Variants in RORA observed in about 807,000 individuals in gnomAD.
RORA encodes RAR related orphan receptor A.
RORA carries 7 observed loss-of-function variants against 69.5 expected under a neutral mutation model. The observed-to-expected ratio is 0.10, with a 90% confidence interval of 0.06 to 0.19. The LOEUF (loss-of-function observed/expected upper bound fraction) is 0.19, where lower values mean the gene tolerates loss of function less well. Among genes scored for constraint, RORA ranks in the 10% least tolerant of loss-of-function variants. The probability of loss-of-function intolerance (pLI) is 1.00; values close to 1 mark genes in which losing one functional copy is unlikely to be tolerated. For synonymous variants in RORA, 261 were observed against 240.8 expected (o/e 1.08, Z -0.78); for missense variants, 457 against 663.0 (o/e 0.69, Z 3.41).
chr15:61,196,613 C>A (rs1412152051), intron 1 of RORA, among the ~76,000 whole-genome samples: 1 of 152,222 alleles, frequency 6.6e-6, no homozygotes, highest in Non-Finnish European at 1.5e-5. Flanking sequence ...AGCACTACGA[C>A]TCAGTTAGCC....
chr15:60,825,155 T>A (rs2072939953), intron 1 of RORA, among the ~76,000 whole-genome samples: 1 of 152,192 alleles, frequency 6.6e-6, no homozygotes, highest in Non-Finnish European at 1.5e-5. Context: ...CCAGGGCACC[T>A]TCTAAATTCT....
chr15:60,557,731 C>A (rs2140411359), intron 2 of RORA, among the ~76,000 whole-genome samples: 1 of 152,324 alleles, frequency 6.6e-6, no homozygotes, highest in South Asian at 2.1e-4. Flanking sequence ...CTTCAGACAT[C>A]TCTGTGATCA....
chr15:60,798,169 T>C (rs990070136), intron 1 of RORA, among the ~76,000 whole-genome samples: 2 of 151,172 alleles, frequency 1.3e-5, no homozygotes, highest in Admixed American at 6.6e-5. Flanking sequence ...CCCCAAACAA[T>C]GAAATGAGCT....
chr15:61,099,127 A>G (rs2078841254), intron 1 of RORA, among the ~76,000 whole-genome samples: 1 of 152,172 alleles, frequency 6.6e-6, no homozygotes, highest in Admixed American at 6.5e-5. Context: ...CGTATTGTCA[A>G]TTTTACAAAG....
chr15:61,011,286 GT>G (rs1895077846), intron 1 of RORA, among the ~76,000 whole-genome samples: 1 of 151,996 alleles, frequency 6.6e-6, no homozygotes, highest in Non-Finnish European at 1.5e-5. Flanking sequence ...CACTCAATCT[GT>G]TTCTCTTCTA....
intron 1 of RORA, among the ~76,000 whole-genome samples, chr15:60,948,950 T>C (rs1892993524): frequency 6.6e-6 from 1 of 152,136 alleles, no homozygotes; most frequent in Admixed American, 6.5e-5. Flanking sequence ...GCAGGAGAGA[T>C]ATAAGGATCT....
chr15:60,778,108 T>C (rs2072199718), intron 1 of RORA, among the ~76,000 whole-genome samples: 1 of 152,226 alleles, frequency 6.6e-6, no homozygotes, highest in Non-Finnish European at 1.5e-5. Flanking sequence ...TTGATACATA[T>C]CACAGGTAGC....
chr15:60,823,453 C>A (rs912307978), intron 1 of RORA, among the ~76,000 whole-genome samples: 1 of 152,192 alleles, frequency 6.6e-6, no homozygotes, highest in African/African-American at 2.4e-5. Context: ...TTGCCTCCTC[C>A]CAACCTCAGA....
chr15:60,732,532 A>G (rs977264094), intron 1 of RORA, among the ~76,000 whole-genome samples: 1 of 152,174 alleles, frequency 6.6e-6, no homozygotes, highest in East Asian at 1.9e-4. Flanking sequence ...AAATTAAGCA[A>G]ATTAATCTAG....
At chr15:60,643,285 G>A (rs2069977926) in intron 2 of RORA, among the ~76,000 whole-genome samples, 1 of 152,166 alleles carries the variant, frequency 6.6e-6, no homozygotes, top group South Asian at 2.1e-4. Context: ...TCTGTCATGT[G>A]TGGAATATGA....
chr15:60,683,361 C>A (rs2070679731), intron 1 of RORA, among the ~76,000 whole-genome samples: 2 of 152,108 alleles, frequency 1.3e-5, no homozygotes, highest in Non-Finnish European at 2.9e-5. Flanking sequence ...GGCTCCTTGC[C>A]CTGCTTCTAA....
intron 8 of RORA, among the ~76,000 whole-genome samples, chr15:60,501,765 A>T (rs1379007949): frequency 6.6e-6 from 1 of 152,178 alleles, no homozygotes; most frequent in Non-Finnish European, 1.5e-5. Flanking sequence ...TAGAATAATA[A>T]TCCGTTTTCC....
chr15:60,952,049 C>G (rs955998761), intron 1 of RORA, among the ~76,000 whole-genome samples: 3 of 150,842 alleles, frequency 2.0e-5, no homozygotes, highest in African/African-American at 7.3e-5. Context: ...CAATAAAATA[C>G]TGGCAAAACG....
intron 1 of RORA, among the ~76,000 whole-genome samples, chr15:60,895,746 T>G (rs778516099): frequency 6.6e-6 from 1 of 152,222 alleles, no homozygotes; most frequent in Non-Finnish European, 1.5e-5. Context: ...ACGCACATGG[T>G]CAAGTACAGC....
chr15:60,704,760 C>T (rs1348573668), intron 1 of RORA, among the ~76,000 whole-genome samples: 2 of 152,090 alleles, frequency 1.3e-5, no homozygotes, highest in Admixed American at 1.3e-4. Flanking sequence ...CACAGCAAGC[C>T]TTGTTGGTTA....
intron 1 of RORA, among the ~76,000 whole-genome samples, chr15:61,094,548 C>T (rs1199592831): frequency 1.3e-5 from 2 of 152,186 alleles, no homozygotes; most frequent in Non-Finnish European, 2.9e-5. Context: ...ATTGGTCCCA[C>T]TTCTCTCAAA....
chr15:60,515,486 A>C (rs960168612), intron 3 of RORA, among the ~76,000 whole-genome samples: 1 of 152,172 alleles, frequency 6.6e-6, no homozygotes, highest in African/African-American at 2.4e-5. Context: ...AAGATGTATA[A>C]GGAGCTACTG....
chr15:61,111,853 T>C (rs1024546072), intron 1 of RORA, among the ~76,000 whole-genome samples: 4 of 152,230 alleles, frequency 2.6e-5, no homozygotes, highest in Admixed American at 1.3e-4. Context: ...CTAAGGACTA[T>C]GAGTTTTAAA....
intron 1 of RORA, among the ~76,000 whole-genome samples, chr15:60,894,594 C>T (rs913136718): frequency 1.3e-5 from 2 of 152,208 alleles, no homozygotes; most frequent in Non-Finnish European, 1.5e-5. Flanking sequence ...GATCAGAAAA[C>T]TGCCGCTCAA....
Sources: allele counts gnomAD v4.1 joint callset (sites outside exome capture counted in the v4.1 genomes callset), GRCh38; gene constraint gnomAD v4.1.1; transcripts MANE v1.5; gene names NCBI Gene and HGNC (gene_info 2026-07-23, HGNC 2026-07-21).